The following CACNA2D1 variants were observed in gnomAD, a reference collection of about 807,000 sequenced individuals.
CACNA2D1 encodes voltage-dependent calcium channel subunit alpha-2/delta-1.
CACNA2D1 carries 53 observed loss-of-function variants against 171.5 expected under a neutral mutation model. The observed-to-expected ratio is 0.31, with a 90% CI of 0.25 to 0.39. The LOEUF is 0.39. Ranked by LOEUF, CACNA2D1 falls within the 10% of genes least tolerant of loss-of-function variation. The probability of loss-of-function intolerance (pLI) is 1.00; values close to 1 mark genes in which losing one functional copy is unlikely to be tolerated. For missense variants in CACNA2D1, 903 were observed against 1,299.8 expected (o/e 0.69, Z 4.69); for synonymous variants, 442 against 443.1 (o/e 1.00, Z 0.03).
rs199938654 is a variant in CACNA2D1 at position 81,961,889 on chromosome 7, A to G, written c.2966+5T>C. 1.2e-6 allele frequency: 2 copies of G among 1,602,646 alleles called. No individual in the cohort carries two copies. The highest frequency in any genetic ancestry group is 1.3e-5 in the African/African-American group (1 of 74,596). On this transcript the variant is annotated splice_donor_5th_base_variant and intron_variant, in intron 36 of 38. Coordinates refer to ENST00000356860, the MANE Select transcript of CACNA2D1 (RefSeq NM_000722.4). Reference sequence around the variant, plus strand: ...ATAGGACTACTCCTGAAATAAATAAATTACCTGGAACAGTTTCCACAGTCT... The same window carrying G: ...ATAGGACTACTCCTGAAATAAATAAGTTACCTGGAACAGTTTCCACAGTCT...
intron 10 of CACNA2D1, among the ~76,000 whole-genome samples, chr7:82,042,527 C>CT (rs957131848): frequency 1.3e-5 from 2 of 151,826 alleles, no homozygotes; most frequent in African/African-American, 2.4e-5. Flanking sequence ...ACATTGATTC[C>CT]TTTTCCAATC....
At chr7:82,010,027 A>G (rs1262272752) in intron 15 of CACNA2D1, among the ~76,000 whole-genome samples, 1 of 152,018 alleles carries the variant, frequency 6.6e-6, no homozygotes, top group Non-Finnish European at 1.5e-5. Flanking sequence ...CTTTTATGCT[A>G]TACCCCATTT....
At chr7:82,352,826 G>A (rs910282179) in intron 1 of CACNA2D1, among the ~76,000 whole-genome samples, 20 of 152,132 alleles carry the variant, frequency 1.3e-4, no homozygotes, top group African/African-American at 4.3e-4. Flanking sequence ...GAGAATGTAA[G>A]ACATGATGTG....
chr7:81,971,066 G>GA (rs1253054536), intron 26 of CACNA2D1: 22 of 263,150 alleles, frequency 8.4e-5, no homozygotes, highest in South Asian at 2.0e-4. Context: ...GTTTGGTATA[G>GA]AAAAAAAACG....
intron 10 of CACNA2D1, among the ~76,000 whole-genome samples, chr7:82,039,861 G>A (rs1803732679): frequency 6.6e-6 from 1 of 152,054 alleles, no homozygotes; most frequent in South Asian, 2.1e-4. Context: ...TCTCATAGGA[G>A]GACAAAAGAC....
chr7:82,335,590 C>T (rs1421988475), intron 2 of CACNA2D1, among the ~76,000 whole-genome samples: 1 of 151,982 alleles, frequency 6.6e-6, no homozygotes, highest in Non-Finnish European at 1.5e-5. Flanking sequence ...GGGTAGCCAT[C>T]CTAGACAACA....
Position 82,060,164 on chromosome 7 carries a change from TA to T in CACNA2D1, c.879+263del, listed in dbSNP as rs1489488092. ...ATTATATATATGTATTATATATATA[TA>T]ATATATATATATAATATATATATAT... On this transcript the variant is annotated intron_variant, in intron 10 of 38. Coordinates refer to ENST00000356860, the MANE Select transcript of CACNA2D1 (RefSeq NM_000722.4). 8.4e-3 allele frequency among the ~76,000 whole-genome samples: 176 copies of T among 20,930 alleles called. 17 individuals carry two copies. The highest frequency in any genetic ancestry group is 0.018 in the East Asian group (7 of 392). 13.7% of individuals were successfully genotyped at this position (20,930 alleles called of 152,430 possible). A position where few individuals can be genotyped will look rare whatever the true frequency, so the allele number is the denominator to read the frequency against.
In CACNA2D1 at chr7:81,968,964, G is replaced by T; in HGVS notation, c.2318C>A (p.Pro773His). Residue 773 changes from proline (P) to histidine (H), a missense_variant, in exon 29 of 39, where the codon CCT becomes CAT. Transcript: ENST00000356860. The part of the protein sequence containing the change: ...FTAPYFNKSG[P>H]GAYESGIMVS... ...CATAATGCCCGATTCATAGGCACCA[G>T]GTCCACTTTCTAAAAAAAAAATAAA... The T allele has an allele frequency of 1.3e-6, 2 of 1,569,598 alleles. No individual in the cohort carries two copies. Among genetic ancestry groups the T allele is most frequent in the Non-Finnish European group, 1.7e-6 (2 of 1,143,366 alleles).
chr7:82,345,623 A>G (rs572630389), intron 2 of CACNA2D1, among the ~76,000 whole-genome samples: 1 of 152,096 alleles, frequency 6.6e-6, no homozygotes, highest in South Asian at 2.1e-4. Flanking sequence ...TAAAAATGTT[A>G]TCTATTCATA....
chr7:82,354,884 C>A (rs1393230069), intron 1 of CACNA2D1, among the ~76,000 whole-genome samples: 1 of 152,066 alleles, frequency 6.6e-6, no homozygotes, highest in Non-Finnish European at 1.5e-5. Context: ...TCAAGATCTC[C>A]ACACATTCTA....
intron 4 of CACNA2D1, among the ~76,000 whole-genome samples, chr7:82,144,954 C>A (rs1486860013): frequency 2.0e-5 from 3 of 151,844 alleles, no homozygotes; most frequent in Non-Finnish European, 4.4e-5. Flanking sequence ...TCTCAGCATT[C>A]TTTCATACGA....
At chr7:82,104,559 T>C (rs1251900792) in intron 6 of CACNA2D1, among the ~76,000 whole-genome samples, 1 of 152,080 alleles carries the variant, frequency 6.6e-6, no homozygotes, top group Non-Finnish European at 1.5e-5. Flanking sequence ...TTTCCTTTTA[T>C]AGTTTAAAAA....
chr7:82,118,165 T>G (rs1436561099), intron 5 of CACNA2D1, among the ~76,000 whole-genome samples: 5 of 152,160 alleles, frequency 3.3e-5, no homozygotes, highest in Non-Finnish European at 5.9e-5. Context: ...AGAAAACCCC[T>G]CAGGAGTCTC....
chr7:82,415,024 A>G (rs192802384), intron 1 of CACNA2D1, among the ~76,000 whole-genome samples: 106 of 152,348 alleles, frequency 7.0e-4, no homozygotes, highest in African/African-American at 2.5e-3. Context: ...CTTTTTTATT[A>G]AACAAGTCTT....
chr7:82,191,798 CA>C (rs1785476237), intron 3 of CACNA2D1, among the ~76,000 whole-genome samples: 2 of 150,976 alleles, frequency 1.3e-5, no homozygotes, highest in Admixed American at 6.6e-5. Context: ...TAAAGTAAAT[CA>C]AAAAAAGAGA....
intron 3 of CACNA2D1, among the ~76,000 whole-genome samples, chr7:82,184,297 G>A (rs1213542437): frequency 6.6e-6 from 1 of 150,528 alleles, no homozygotes; most frequent in Non-Finnish European, 1.5e-5. Flanking sequence ...TTACTATGAT[G>A]TGTAAATCAA....
intron 10 of CACNA2D1, among the ~76,000 whole-genome samples, chr7:82,059,900 A>G: frequency 7.2e-6 from 1 of 139,106 alleles, no homozygotes; most frequent in Non-Finnish European, 1.5e-5. Context: ...GCAAGGACAA[A>G]AAACCAAACA....
At chr7:82,149,270 A>G (rs1793516415) in intron 4 of CACNA2D1, among the ~76,000 whole-genome samples, 1 of 152,148 alleles carries the variant, frequency 6.6e-6, no homozygotes, top group African/African-American at 2.4e-5. Context: ...TCCACAGACA[A>G]GATGTTCACT....
chr7:82,108,573 C>G (rs1788016529), intron 6 of CACNA2D1, among the ~76,000 whole-genome samples: 1 of 152,146 alleles, frequency 6.6e-6, no homozygotes, highest in Non-Finnish European at 1.5e-5. Context: ...AAAGCTATTA[C>G]TAATTGGTCT....
Sources: allele counts gnomAD v4.1 joint callset (sites outside exome capture counted in the v4.1 genomes callset), GRCh38; gene constraint gnomAD v4.1.1; transcripts MANE v1.5; gene names NCBI Gene and HGNC (gene_info 2026-07-23, HGNC 2026-07-21).